SFMBT2: variants seen among roughly 807,000 people sequenced by gnomAD.
The protein encoded by SFMBT2 is scm-like with four MBT domains protein 2.
In SFMBT2, 38 loss-of-function variants were observed where a neutral mutation model predicts 110.1. The ratio of observed to expected loss-of-function variants is 0.35; its 90% CI spans 0.27 to 0.45. SFMBT2 has a LOEUF of 0.45. Among genes scored for constraint, SFMBT2 ranks in the 20% least tolerant of loss-of-function variants. The probability of loss-of-function intolerance (pLI) is 1.00; values close to 1 mark genes in which losing one functional copy is unlikely to be tolerated. For synonymous variants in SFMBT2, 425 were observed against 425.4 expected (o/e 1.00, Z 0.01); for missense variants, 1,011 against 1,094.9 (o/e 0.92, Z 1.08).
At chr10:7,265,520 T>C (rs113746517) in intron 7 of SFMBT2, among the ~76,000 whole-genome samples, 98 of 152,258 alleles carry the variant, frequency 6.4e-4, no homozygotes, top group African/African-American at 2.3e-3. Flanking sequence ...TCTTCTTAAT[T>C]TCAATGAGGA....
At chr10:7,220,699 G>T (rs1839699232) in intron 10 of SFMBT2, among the ~76,000 whole-genome samples, 162 bp from the exon 11 acceptor site, 1 of 152,212 alleles carries the variant, frequency 6.6e-6, no homozygotes, top group South Asian at 2.1e-4. Flanking sequence ...AAAGAACCAG[G>T]TGGTCTTCAT....
chr10:7,187,171 A>G (rs1342503258), intron 16 of SFMBT2, among the ~76,000 whole-genome samples: 2 of 152,196 alleles, frequency 1.3e-5, no homozygotes, highest in African/African-American at 4.8e-5. Flanking sequence ...GGAAGGTTTT[A>G]ATGGGAGCTA....
intron 1 of SFMBT2, among the ~76,000 whole-genome samples, chr10:7,388,622 C>T (rs115099563): frequency 0.033 from 4,927 of 150,338 alleles, 112 homozygotes; most frequent in African/African-American, 0.061. Context: ...GTGATCTGTC[C>T]GCCTCTGGCT....
chr10:7,216,863 G>A (rs1010836031), intron 11 of SFMBT2, among the ~76,000 whole-genome samples: 1 of 152,074 alleles, frequency 6.6e-6, no homozygotes, highest in African/African-American at 2.4e-5. Context: ...ATGTGTCCCT[G>A]GGGACACTTC....
At chr10:7,193,444 C>G (rs1051290673) in intron 15 of SFMBT2, among the ~76,000 whole-genome samples, 2 of 152,264 alleles carry the variant, frequency 1.3e-5, no homozygotes, top group African/African-American at 4.8e-5. Context: ...CTGGGATTTT[C>G]TCCAAGGACA....
chr10:7,200,138 T>C lies in SFMBT2; in HGVS notation c.1558+276A>G, dbSNP rs78967739. On this transcript the variant is annotated intron_variant, in intron 14 of 20. Transcript: ENST00000397167. The stretch of plus-strand genomic sequence containing the variant: ...TTTCCCCATGATATGCAGCCCTAAT[T>C]TGGCTCCTAATTTGCAAGTCACACA... Among the ~76,000 whole-genome samples the C allele has an allele frequency of 8.0e-3, 1,215 of 152,332 alleles. 6 individuals carry two copies. Among genetic ancestry groups the C allele is most frequent in the Non-Finnish European group, 0.01 (707 of 68,036 alleles).
chr10:7,163,562 G>A lies in SFMBT2; in HGVS notation c.*208C>T. ...AGGGTCTGATGCATGACTTTAACTG[G>A]CACTCCCCAGAAGCGACTGCTGCTG... On this transcript the variant is annotated 3_prime_UTR_variant, in exon 21 of 21. Coordinates refer to ENST00000397167, the MANE Select transcript of SFMBT2 (RefSeq NM_001387889.1). This position sits in a 1 kb window ranked among gnomAD's most constrained non-coding sequence, Gnocchi z 4.8. 1.9e-6 allele frequency: 1 copy of A among 528,494 alleles called. No individual in the cohort carries two copies. The highest frequency in any genetic ancestry group is 2.4e-5 in the South Asian group (1 of 40,954). 32.7% of individuals were successfully genotyped at this position (528,494 alleles called of 1,614,324 possible). A position where few individuals can be genotyped will look rare whatever the true frequency, so the allele number is the denominator to read the frequency against.
At chr10:7,231,063 TC>T (rs898966131) in intron 9 of SFMBT2, among the ~76,000 whole-genome samples, 1 of 152,006 alleles carries the variant, frequency 6.6e-6, no homozygotes, top group African/African-American at 2.4e-5. Context: ...AGGATTTTTT[TC>T]CCCCAACTCT....
At position 7,163,520 on chromosome 10, in the gene SFMBT2, G is replaced by A. The variant is rs534800691; in HGVS notation, c.*250C>T. 243 of 420,852 alleles carry A rather than the reference G, an allele frequency of 5.8e-4. No individual in the cohort carries two copies. The highest frequency in any genetic ancestry group is 8.8e-4 in the Non-Finnish European group (206 of 234,746). 26.1% of individuals were successfully genotyped at this position (420,852 alleles called of 1,614,324 possible). On this transcript the variant is annotated 3_prime_UTR_variant, in exon 21 of 21. Transcript: ENST00000397167. The surrounding 1 kb of genome is among the most constrained non-coding windows in gnomAD (Gnocchi z 4.8). ...AGGCAAAACGTGGGTGAGCCAAGAA[G>A]CAGGCCCACGTCTGGCAGGGTCTGA...
intron 4 of SFMBT2, among the ~76,000 whole-genome samples, chr10:7,309,821 T>C (rs1842800154): frequency 6.6e-6 from 1 of 152,102 alleles, no homozygotes; most frequent in Non-Finnish European, 1.5e-5. Flanking sequence ...TGGGTGTCTG[T>C]AACAATGAAA....
chr10:7,236,529 A>C (rs1840261458), intron 9 of SFMBT2, among the ~76,000 whole-genome samples: 1 of 152,248 alleles, frequency 6.6e-6, no homozygotes, highest in African/African-American at 2.4e-5. Context: ...TATAAATCAA[A>C]GAGGAAACAG....
chr10:7,400,609 C>T (rs919374207), intron 1 of SFMBT2, among the ~76,000 whole-genome samples: 1 of 152,250 alleles, frequency 6.6e-6, no homozygotes, highest in African/African-American at 2.4e-5. Flanking sequence ...CTCCTCCAGG[C>T]CGTCAGGCCT....
At chr10:7,279,071 A>T (rs1376725287) in intron 6 of SFMBT2, among the ~76,000 whole-genome samples, 1 of 144,344 alleles carries the variant, frequency 6.9e-6, no homozygotes, top group Non-Finnish European at 1.5e-5. Context: ...ACTGCACTGC[A>T]CTTCATCTCC....
At chr10:7,197,125 C>G (rs1209434597) in intron 15 of SFMBT2, among the ~76,000 whole-genome samples, 1 of 151,952 alleles carries the variant, frequency 6.6e-6, no homozygotes, top group Admixed American at 6.6e-5. Context: ...GCACCATGAC[C>G]CGGCCAAGGA....
At chr10:7,287,912 T>C (rs1252599101) in intron 4 of SFMBT2, among the ~76,000 whole-genome samples, 1 of 152,212 alleles carries the variant, frequency 6.6e-6, no homozygotes, top group Non-Finnish European at 1.5e-5. Context: ...GGGTGCCAGG[T>C]TGCTAATGAT....
At position 7,342,396 on chromosome 10, in the gene SFMBT2, C is replaced by CTTTTTTTT. The variant is rs71382101; in HGVS notation, c.436+25245_436+25252dup. Among the ~76,000 whole-genome samples, 302 of 69,658 alleles carry CTTTTTTTT rather than the reference C, an allele frequency of 4.3e-3. 40 individuals are homozygous for CTTTTTTTT. Among genetic ancestry groups the CTTTTTTTT allele is most frequent in the African/African-American group, 5.0e-3 (95 of 18,858 alleles). The allele number at this position is 69,658 out of a possible 152,430, so 45.7% of individuals were successfully genotyped here. On this transcript the variant is annotated intron_variant, in intron 4 of 20. Transcript: ENST00000397167. ...ATTTAGGAATTGCACTGGAGTGAGTCTTTTTTTTTTTTTTTTTTTTTTTTT... is the reference window on the plus strand; with the variant it reads ...ATTTAGGAATTGCACTGGAGTGAGTCTTTTTTTTTTTTTTTTTTTTTTTTTTTTTTTTT...
chr10:7,365,256 T>C (rs374617404), intron 4 of SFMBT2, among the ~76,000 whole-genome samples: 2 of 152,218 alleles, frequency 1.3e-5, no homozygotes, highest in Admixed American at 6.5e-5. Context: ...CAGGCTCGCA[T>C]GTCCAGAGAG....
At chr10:7,169,450 A>G (rs1837804540) in intron 20 of SFMBT2, among the ~76,000 whole-genome samples, 1 of 152,192 alleles carries the variant, frequency 6.6e-6, no homozygotes, top group African/African-American at 2.4e-5. Flanking sequence ...CTTGGGAGAA[A>G]AGCTGGGAAA....
chr10:7,193,340 G>A lies in SFMBT2; in HGVS notation c.1698+4208C>T, dbSNP rs112225561. Reference sequence around the variant, plus strand: ...TTCTCTTTTTTTCTGAAAAACAGAAGTTAGATACTGTCACTGACATTTACA... The same window carrying A: ...TTCTCTTTTTTTCTGAAAAACAGAAATTAGATACTGTCACTGACATTTACA... On this transcript the variant is annotated intron_variant, in intron 15 of 20. Coordinates refer to ENST00000397167, the MANE Select transcript of SFMBT2 (RefSeq NM_001387889.1). 2.8e-3 allele frequency among the ~76,000 whole-genome samples: 421 copies of A among 152,306 alleles called. 2 individuals are homozygous for A. Among genetic ancestry groups the A allele is most frequent in the African/African-American group, 9.6e-3 (399 of 41,568 alleles).
Sources: allele counts gnomAD v4.1 joint callset (sites outside exome capture counted in the v4.1 genomes callset), GRCh38; gene constraint gnomAD v4.1.1; non-coding constraint Gnocchi (gnomAD v3.1); transcripts MANE v1.5; gene names NCBI Gene and HGNC (gene_info 2026-07-23, HGNC 2026-07-21).